Variants in NABP1 observed in about 807,000 individuals in gnomAD.
The protein encoded by NABP1 is SOSS complex subunit B2.
In NABP1, 18 loss-of-function variants were observed where a neutral mutation model predicts 25.0. That is an observed-to-expected ratio of 0.72 (90% CI 0.50 to 1.07). The LOEUF is 1.07. NABP1 is among the 50% of genes least tolerant of loss of function. The pLI, the probability that NABP1 is intolerant of heterozygous loss-of-function variation, is 0.00. For synonymous variants in NABP1, 71 were observed against 85.0 expected, an observed-to-expected ratio of 0.84 and a Z score of 0.91; for missense variants, 270 against 255.6, an observed-to-expected ratio of 1.06 and a Z score of -0.39.
intron 1 of NABP1, 44 bp downstream of exon 1, chr2:191,678,749 C>A: frequency 6.4e-7 from 1 of 1,557,762 alleles, no homozygotes; most frequent in South Asian, 1.1e-5. Flanking sequence ...CTGTGCCTCC[C>A]GGGGCGGGAG....
intron 4 of NABP1, 83 bp from the exon 5 acceptor site, chr2:191,684,147 T>TCA: frequency 1.1e-6 from 1 of 927,090 alleles, no homozygotes. Flanking sequence ...CCCAAAACTT[T>TCA]AAAAAAGAAA....
intron 2 of NABP1, 75 bp downstream of exon 2, chr2:191,679,203 G>T: frequency 1.3e-6 from 2 of 1,577,328 alleles, no homozygotes; most frequent in Non-Finnish European, 1.7e-6. Context: ...ATCTTGGCAA[G>T]CCCTGAAGTC....
rs781780433 is a variant in NABP1 at position 191,685,755 on chromosome 2, C to G, written c.602C>G (p.Ala201Gly). The change falls in exon 6 of 6, where the codon GCC becomes GGC. Residue 201 changes from alanine (A) to glycine (G), a missense_variant. By Grantham distance (60) the Ala-to-Gly change is moderately conservative (BLOSUM62 0). Coordinates refer to ENST00000425611, the MANE Select transcript of NABP1 (RefSeq NM_001031716.5). Reference sequence around the variant, plus strand: ...AGTAATGGCAGGGACCCTCGGAGAGCCTTTAAAAGATGACCTATGCTAAAT... The same window carrying G: ...AGTAATGGCAGGGACCCTCGGAGAGGCTTTAAAAGATGACCTATGCTAAAT... The part of the protein sequence containing the change: ...TISNGRDPRR[A>G]FKR 6.2e-7 allele frequency: 1 copy of G among 1,614,002 alleles called. No individual in the cohort carries two copies. Among genetic ancestry groups the G allele is most frequent in the Non-Finnish European group, 8.5e-7 (1 of 1,179,916 alleles).
chr2:191,678,589 G>T lies in NABP1; in HGVS notation c.-26G>T, dbSNP rs547547198. ...CCCCGCCCTGCCCACTCGCGTCTCCGCAGCCGTAGCCGCGCCTGTCCCAAT... is the reference window on the plus strand; with the variant it reads ...CCCCGCCCTGCCCACTCGCGTCTCCTCAGCCGTAGCCGCGCCTGTCCCAAT... On this transcript the variant is annotated 5_prime_UTR_variant, in exon 1 of 6. Coordinates refer to ENST00000425611, the MANE Select transcript of NABP1 (RefSeq NM_001031716.5). 229 of 1,574,342 alleles carry T rather than the reference G, an allele frequency of 1.5e-4. 3 individuals carry two copies. In the South Asian group the frequency reaches 2.5e-3, roughly 17 times the overall value.
Position 191,684,303 on chromosome 2 carries a change from TTTTG to T in NABP1, c.445+13_445+16del. The T allele has an allele frequency of 1.3e-6, 2 of 1,513,528 alleles. No individual in the cohort carries two copies. Among genetic ancestry groups the T allele is most frequent in the Non-Finnish European group, 1.8e-6 (2 of 1,138,336 alleles). The allele number at this position is 1,513,528 out of a possible 1,614,324, so 93.8% of individuals were successfully genotyped here. On this transcript the variant is annotated splice_region_variant and intron_variant, in intron 5 of 5. Coordinates refer to ENST00000425611, the MANE Select transcript of NABP1 (RefSeq NM_001031716.5). Reference sequence around the variant, plus strand: ...GGTACATTTGGACCAGTGGGTAAGATTTTGTTTGTGTGTTTCATTTGTGATCAGG... The same window carrying T: ...GGTACATTTGGACCAGTGGGTAAGATTTTGTGTGTTTCATTTGTGATCAGG...
In NABP1 at chr2:191,678,655, T is replaced by A. The variant is rs142308851; in HGVS notation, c.41T>A (p.Ile14Asn). Residue 14 changes from isoleucine to asparagine, a missense_variant, in exon 1 of 6, where the codon ATT becomes AAT. Physicochemically the swap from Ile to Asn is moderately radical, Grantham distance 149. Coordinates refer to ENST00000425611, the MANE Select transcript of NABP1 (RefSeq NM_001031716.5). ...GACCCACTTATTTTTATAAGAGATATTAAGCCCGGACTGAAAAACTTAAAT... is the reference window on the plus strand; with the variant it reads ...GACCCACTTATTTTTATAAGAGATAATAAGCCCGGACTGAAAAACTTAAAT... The part of the protein sequence containing the change: ...VNDPLIFIRD[I>N]KPGLKNLNVV... 2 of 1,613,850 alleles carry A rather than the reference T, an allele frequency of 1.2e-6. No individual in the cohort carries two copies. Among genetic ancestry groups the A allele is most frequent in the East Asian group, 4.5e-5 (2 of 44,866 alleles).
At chr2:191,681,343 T>A (rs2105642302) in intron 2 of NABP1, among the ~76,000 whole-genome samples, 1 of 152,318 alleles carries the variant, frequency 6.6e-6, no homozygotes, top group South Asian at 2.1e-4. Context: ...CTGTCTGCTT[T>A]CAAAATTGTT....
intron 4 of NABP1, 100 bp from the exon 5 acceptor site, chr2:191,684,130 A>C: frequency 1.4e-6 from 1 of 712,530 alleles, no homozygotes; most frequent in Non-Finnish European, 2.2e-6. Flanking sequence ...AAAAAAAAAA[A>C]GCCAAACCCA....
rs1687572889 is a variant in NABP1, at chr2:191,678,636, C to T, written c.22C>T (p.Leu8Phe). MNRVNDP[L>F]IFIRDIKPGL... is the part of the protein sequence containing the mutation. ...CAATATGAATAGGGTCAACGACCCACTTATTTTTATAAGAGATATTAAGCC... is the reference window on the plus strand; with the variant it reads ...CAATATGAATAGGGTCAACGACCCATTTATTTTTATAAGAGATATTAAGCC... Residue 8 changes from leucine (L) to phenylalanine (F), a missense_variant, in exon 1 of 6, where the codon CTT becomes TTT. Leu to Phe is a conservative substitution (Grantham distance 22). Coordinates refer to ENST00000425611, the MANE Select transcript of NABP1 (RefSeq NM_001031716.5). The T allele has an allele frequency of 1.9e-6, 3 of 1,613,640 alleles. No homozygotes were observed. Among genetic ancestry groups the T allele is most frequent in the Non-Finnish European group, 2.5e-6 (3 of 1,179,818 alleles).
chr2:191,680,915 C>T (rs184629121), intron 2 of NABP1, among the ~76,000 whole-genome samples: 21 of 152,224 alleles, frequency 1.4e-4, no homozygotes, highest in Non-Finnish European at 2.5e-4. Context: ...CTGGTTGAAT[C>T]TAAGAAAAGT....
chr2:191,684,283 A>G lies in NABP1; in HGVS notation c.432A>G (p.Thr144=). 2.6e-6 allele frequency: 4 copies of G among 1,530,168 alleles called. No individual in the cohort carries two copies. The highest frequency in any genetic ancestry group is 3.5e-6 in the Non-Finnish European group (4 of 1,148,568). 94.8% of individuals were successfully genotyped at this position (1,530,168 alleles called of 1,614,324 possible). The change falls in exon 5 of 6, where the codon ACA becomes ACG. Residue 144 remains threonine, a synonymous_variant. Coordinates refer to ENST00000425611, the MANE Select transcript of NABP1 (RefSeq NM_001031716.5). ...TGAATAGTAATATGGGTACAGGTAC[A>G]TTTGGACCAGTGGGTAAGATTTTGT... ...NSMNSNMGTG[T]FGPVGNGVHT... is the part of the protein sequence containing the mutation.
Position 191,685,970 on chromosome 2 carries a change from A to T in NABP1, c.*202A>T. ...CTCCTGTTGAAGAATGGGAACACTG[A>T]AAAGTAGGGGCATTTATTTTTAGAG... On this transcript the variant is annotated 3_prime_UTR_variant, in exon 6 of 6. Transcript: ENST00000425611. 2.0e-6 allele frequency: 1 copy of T among 493,606 alleles called. No individual in the cohort carries two copies. The highest frequency in any genetic ancestry group is 3.5e-6 in the Non-Finnish European group (1 of 283,170). 30.6% of individuals were successfully genotyped at this position (493,606 alleles called of 1,614,324 possible). A position where few individuals can be genotyped will look rare whatever the true frequency, so the allele number is the denominator to read the frequency against.
At chr2:191,682,540 C>T (rs1296587557) in intron 3 of NABP1, 2 of 471,052 alleles carry the variant, frequency 4.2e-6, no homozygotes, top group Non-Finnish European at 8.8e-6. Context: ...TACACTACTA[C>T]CCTGGTAATG....
At chr2:191,681,673 G>A (rs1326056964) in intron 2 of NABP1, among the ~76,000 whole-genome samples, 9 of 152,138 alleles carry the variant, frequency 5.9e-5, no homozygotes, top group Admixed American at 4.6e-4. Context: ...TGATCATTGG[G>A]TATAATAATA....
intron 5 of NABP1, among the ~76,000 whole-genome samples, chr2:191,685,395 C>CT (rs778269882): frequency 1.5e-4 from 23 of 151,644 alleles, no homozygotes; most frequent in Middle Eastern, 3.2e-3. Context: ...GCTTTTTTCT[C>CT]TCTATTAATA....
In NABP1 at chr2:191,678,643, T is replaced by G. The variant is rs1285973927; in HGVS notation, c.29T>G (p.Phe10Cys). ...AATAGGGTCAACGACCCACTTATTT[T>G]TATAAGAGATATTAAGCCCGGACTG... MNRVNDPLI[F>C]IRDIKPGLKN... The change falls in exon 1 of 6, where the codon TTT becomes TGT. Residue 10 changes from phenylalanine (F) to cysteine (C), a missense_variant. By Grantham distance (205) the Phe-to-Cys change is radical. Transcript: ENST00000425611. 35 of 1,613,584 alleles carry G rather than the reference T, an allele frequency of 2.2e-5. No individual in the cohort carries two copies. Among genetic ancestry groups the G allele is most frequent in the Non-Finnish European group, 2.9e-5 (34 of 1,179,850 alleles).
chr2:191,683,496 A>C lies in NABP1; in HGVS notation c.303-233A>C, dbSNP rs571566055. The C allele has an allele frequency of 5.2e-6, 2 of 387,516 alleles. No homozygotes were observed. The highest frequency in any genetic ancestry group is 9.2e-6 in the Non-Finnish European group (2 of 216,700). The allele number at this position is 387,516 out of a possible 1,614,324, so 24.0% of individuals were successfully genotyped here. On this transcript the variant is annotated intron_variant, in intron 3 of 5. Coordinates refer to ENST00000425611, the MANE Select transcript of NABP1 (RefSeq NM_001031716.5). The surrounding 1 kb of genome is among the most constrained non-coding windows in gnomAD (Gnocchi z 4.1). ...TTGATGTGATTTTTTTTTCAGCACTAAAGAAGAATTTAAATACAAAATAGA... is the reference window on the plus strand; with the variant it reads ...TTGATGTGATTTTTTTTTCAGCACTCAAGAAGAATTTAAATACAAAATAGA...
Position 191,685,596 on chromosome 2 carries a change from TA to T in NABP1, c.446-2del. 1 of 1,606,084 alleles carries T rather than the reference TA, an allele frequency of 6.2e-7. No individual in the cohort carries two copies. Among genetic ancestry groups the T allele is most frequent in the Non-Finnish European group, 8.5e-7 (1 of 1,175,492 alleles). ...AGTGATGAATTTTTGTATTCTTTTTTAGGAAATGGTGTTCACACTGGCCCTG... is the reference window on the plus strand; with the variant it reads ...AGTGATGAATTTTTGTATTCTTTTTTGGAAATGGTGTTCACACTGGCCCTG... On this transcript the variant is annotated splice_acceptor_variant, in intron 5 of 5. Transcript: ENST00000425611. LOFTEE classifies it high-confidence loss of function.
chr2:191,679,170 A>T (rs765742413), intron 2 of NABP1, 42 bp downstream of exon 2: 1 of 1,612,460 alleles, frequency 6.2e-7, no homozygotes, highest in South Asian at 1.1e-5. Context: ...AGTCTGCAGA[A>T]TCGGGATTGG....
Sources: gnomAD v4.1 joint callset for allele counts (sites outside exome capture counted in the v4.1 genomes callset) on GRCh38, gnomAD v4.1.1 for gene constraint, Gnocchi (gnomAD v3.1) non-coding constraint, MANE v1.5 for transcripts, NCBI Gene and HGNC (gene_info 2026-07-23, HGNC 2026-07-21) for gene names.